The following MEI1 variants were observed in gnomAD, a reference collection of about 807,000 sequenced individuals.
MEI1 encodes meiosis inhibitor protein 1.
MEI1 carries 103 observed loss-of-function variants against 146.2 expected under a neutral mutation model. That is an observed-to-expected ratio of 0.70 (90% CI 0.60 to 0.83). MEI1 has a LOEUF of 0.83. Ranked by LOEUF, MEI1 falls within the 40% of genes least tolerant of loss-of-function variation. MEI1 has a pLI of 0.00. For synonymous variants in MEI1, 652 were observed against 628.2 expected (o/e 1.04, Z -0.57); for missense variants, 1,529 against 1,533.0 (o/e 1.00, Z 0.04).
chr22:41,705,475 A>G (rs1236775592), intron 2 of MEI1, 29 bp from the exon 3 acceptor site: 5 of 1,610,638 alleles, frequency 3.1e-6, no homozygotes, highest in African/African-American at 1.3e-5. Context: ...CTGCCTAACC[A>G]CCCCTTTCTT....
intron 21 of MEI1, among the ~76,000 whole-genome samples, chr22:41,777,792 G>T (rs1413528257): frequency 6.6e-6 from 1 of 152,002 alleles, no homozygotes; most frequent in Non-Finnish European, 1.5e-5. Context: ...CCTACTTCCT[G>T]GTTCATAAAT....
intron 6 of MEI1, among the ~76,000 whole-genome samples, chr22:41,723,256 A>G (rs1333411418): frequency 6.6e-6 from 1 of 151,666 alleles, no homozygotes; most frequent in East Asian, 1.9e-4. Context: ...TCTGTCACCC[A>G]GGGTGGAGTA....
chr22:41,729,850 T>C (rs988087133), intron 8 of MEI1, 71 bp downstream of exon 8: 10 of 926,540 alleles, frequency 1.1e-5, no homozygotes, highest in Non-Finnish European at 1.6e-5. Context: ...CAATTGTGTA[T>C]GACAGACCCT....
At chr22:41,736,588 TC>T (rs2072393629) in intron 11 of MEI1, among the ~76,000 whole-genome samples, 1 of 151,950 alleles carries the variant, frequency 6.6e-6, no homozygotes, top group Admixed American at 6.6e-5. Context: ...GAGATAGGGA[TC>T]TTGCTATATT....
chr22:41,785,073 A>T lies in MEI1; in HGVS notation c.3345+290A>T, dbSNP rs1453243971. ...TGCCTTAGCCTCCCGGGTAGCTGGG[A>T]CTACAGGTGCCTGCCACCACACCTG... On this transcript the variant is annotated intron_variant, in intron 26 of 30. Coordinates refer to ENST00000401548, the MANE Select transcript of MEI1 (RefSeq NM_152513.4). 3.3e-5 allele frequency among the ~76,000 whole-genome samples: 5 copies of T among 150,406 alleles called. No homozygotes were observed. In the East Asian group the frequency reaches 9.8e-4, roughly 30 times the overall value.
intron 19 of MEI1, among the ~76,000 whole-genome samples, chr22:41,766,852 T>TA (rs2074890635): frequency 6.6e-6 from 1 of 152,220 alleles, no homozygotes; most frequent in Non-Finnish European, 1.5e-5. Flanking sequence ...TTTTGAGAAT[T>TA]ACTCGTGTAG....
intron 2 of MEI1, among the ~76,000 whole-genome samples, chr22:41,705,176 C>CTT (rs368574546): frequency 4.3e-4 from 60 of 138,776 alleles, no homozygotes; most frequent in South Asian, 2.3e-3. Flanking sequence ...TTAACCACTC[C>CTT]TTTTTTTTTT....
intron 26 of MEI1, among the ~76,000 whole-genome samples, chr22:41,785,865 A>T (rs947160738): frequency 4.2e-5 from 6 of 142,820 alleles, no homozygotes; most frequent in African/African-American, 1.3e-4. Context: ...CACCCGGCCT[A>T]TTTTTATTTT....
At chr22:41,797,317 A>G (rs1018673503) in intron 30 of MEI1, among the ~76,000 whole-genome samples, 3 of 151,984 alleles carry the variant, frequency 2.0e-5, no homozygotes, top group Non-Finnish European at 4.4e-5. Context: ...AACTGCATAA[A>G]ATTACCTTCA....
At chr22:41,753,248 C>G (rs545916398) in intron 16 of MEI1, among the ~76,000 whole-genome samples, 1 of 152,048 alleles carries the variant, frequency 6.6e-6, no homozygotes, top group East Asian at 1.9e-4. Flanking sequence ...GTGATCCGCC[C>G]GCCTTGGCCT....
In MEI1 at chr22:41,753,984, T is replaced by C; in HGVS notation, c.1889T>C (p.Leu630Pro). The C allele has an allele frequency of 6.8e-6, 11 of 1,613,748 alleles. No homozygotes were observed. Among genetic ancestry groups the C allele is most frequent in the Non-Finnish European group, 8.5e-6 (10 of 1,179,696 alleles). ...CTAAACCAGGTGTGTTCCAATTTCC[T>C]CTACTATATGTGCCTCAACCTTCTC... ...SALNQVCSNFLYYMCLNLLSA... is the reference protein window; with the variant it reads ...SALNQVCSNFPYYMCLNLLSA... Residue 630 changes from leucine to proline, a missense_variant, in exon 17 of 31, where the codon CTC (leucine) becomes CCC (proline). Coordinates refer to ENST00000401548, the MANE Select transcript of MEI1 (RefSeq NM_152513.4).
chr22:41,717,396 C>A lies in MEI1; in HGVS notation c.530-675C>A, dbSNP rs575530146. On this transcript the variant is annotated intron_variant, in intron 5 of 30. Coordinates refer to ENST00000401548, the MANE Select transcript of MEI1 (RefSeq NM_152513.4). Reference sequence around the variant, plus strand: ...CAGACTGGTCTTGAACTCCTGACTTCAAGTGATCTGCCCACCTCGGCCTCC... The same window carrying A: ...CAGACTGGTCTTGAACTCCTGACTTAAAGTGATCTGCCCACCTCGGCCTCC... Among the ~76,000 whole-genome samples, 476 of 152,084 alleles carry A rather than the reference C, an allele frequency of 3.1e-3. 4 individuals are homozygous for A. Among genetic ancestry groups the A allele is most frequent in the Non-Finnish European group, 5.5e-3 (377 of 67,974 alleles).
Position 41,793,432 on chromosome 22 carries a change from G to A in MEI1, c.3346-397G>A, listed in dbSNP as rs370168526. Among the ~76,000 whole-genome samples the A allele has an allele frequency of 1.3e-3, 199 of 152,294 alleles. 1 individual carries two copies. The highest frequency in any genetic ancestry group is 4.5e-3 in the African/African-American group (189 of 41,570). On this transcript the variant is annotated intron_variant, in intron 26 of 30. Transcript: ENST00000401548. ...TTCTCCTGCCTCAACCTCCTCAGTA[G>A]CTGGGACTACAGGTGTGCACCAACA...
At chr22:41,788,455 T>G (rs1384023206) in intron 26 of MEI1, among the ~76,000 whole-genome samples, 4 of 151,748 alleles carry the variant, frequency 2.6e-5, no homozygotes, top group East Asian at 1.9e-4. Context: ...GTTTTGTTTT[T>G]TTTGAGACAT....
At chr22:41,762,069 T>C (rs1569274255) in intron 18 of MEI1, among the ~76,000 whole-genome samples, 3 of 152,236 alleles carry the variant, frequency 2.0e-5, no homozygotes, top group Admixed American at 2.0e-4. Flanking sequence ...CTTTTGGCTA[T>C]TGTGAATAGT....
chr22:41,721,879 C>T (rs936031316), intron 6 of MEI1, among the ~76,000 whole-genome samples: 6 of 151,532 alleles, frequency 4.0e-5, no homozygotes, highest in African/African-American at 1.5e-4. Flanking sequence ...TGCTACCATG[C>T]CCGACTAATT....
In MEI1 at chr22:41,748,155, T is replaced by A. The variant is rs2073473323; in HGVS notation, c.1729T>A (p.Ser577Thr). Residue 577 changes from serine (S) to threonine (T), a missense_variant, in exon 15 of 31, where the codon TCA becomes ACA. Coordinates refer to ENST00000401548, the MANE Select transcript of MEI1 (RefSeq NM_152513.4). The stretch of plus-strand genomic sequence containing the variant: ...CCCAGCTTTGATGGAAGTTTTCCTC[T>A]CAATTCTACATAACCTCTTTGTCAT... ...THPALMEVFL[S>T]ILHNLFVIVP... 1 of 1,613,894 alleles carries A rather than the reference T, an allele frequency of 6.2e-7. No individual in the cohort carries two copies. The highest frequency in any genetic ancestry group is 1.7e-5 in the Admixed American group (1 of 60,008).
At chr22:41,798,431 A>T (rs1471976265) in intron 30 of MEI1, among the ~76,000 whole-genome samples, 1 of 151,960 alleles carries the variant, frequency 6.6e-6, no homozygotes, top group African/African-American at 2.4e-5. Context: ...TACAAAAATT[A>T]GCTGGGCGTG....
rs1197726076 is a variant in MEI1 at position 41,793,914 on chromosome 22, G to A, written c.3427+4G>A. Reference sequence around the variant, plus strand: ...GATGCCCGGAGCCCAGACATTGGTAGAAACTCTCCACATTATCTGATGTTC... The same window carrying A: ...GATGCCCGGAGCCCAGACATTGGTAAAAACTCTCCACATTATCTGATGTTC... On this transcript the variant is annotated splice_donor_region_variant and intron_variant, in intron 27 of 30. Transcript: ENST00000401548. The A allele has an allele frequency of 6.2e-7, 1 of 1,610,050 alleles. No homozygotes were observed. The highest frequency in any genetic ancestry group is 8.5e-7 in the Non-Finnish European group (1 of 1,178,090).
Sources: allele counts gnomAD v4.1 joint callset (sites outside exome capture counted in the v4.1 genomes callset), GRCh38; gene constraint gnomAD v4.1.1; transcripts MANE v1.5; gene names NCBI Gene and HGNC (gene_info 2026-07-23, HGNC 2026-07-21).